CMSS1: variants seen among roughly 807,000 people sequenced by gnomAD.
CMSS1 encodes cms1 ribosomal small subunit homolog.
A neutral mutation model predicts 43.5 loss-of-function variants in CMSS1; 33 were observed. The ratio of observed to expected loss-of-function variants is 0.76; its 90% CI spans 0.57 to 1.01. The LOEUF (loss-of-function observed/expected upper bound fraction) is 1.01, where lower values mean the gene tolerates loss of function less well. Ranked by LOEUF, CMSS1 falls within the 50% of genes least tolerant of loss-of-function variation. The pLI, the probability that CMSS1 is intolerant of heterozygous loss-of-function variation, is 0.00. For synonymous variants in CMSS1, 115 were observed against 117.2 expected, an observed-to-expected ratio of 0.98 and a Z score of 0.12; for missense variants, 313 against 326.4, an observed-to-expected ratio of 0.96 and a Z score of 0.32.
chr3:99,967,673 G>A (rs1416847332), intron 1 of CMSS1, among the ~76,000 whole-genome samples: 1 of 152,190 alleles, frequency 6.6e-6, no homozygotes, highest in Non-Finnish European at 1.5e-5. Flanking sequence ...TTGGGCCTTG[G>A]TAGTAGCTGA....
At chr3:99,910,631 C>T (rs940238925) in intron 1 of CMSS1, among the ~76,000 whole-genome samples, 12 of 136,284 alleles carry the variant, frequency 8.8e-5, no homozygotes, top group Admixed American at 2.3e-4. Context: ...AAAAGTAATA[C>T]GCTATAATTC....
chr3:99,988,223 C>T (rs2107120712), intron 1 of CMSS1, among the ~76,000 whole-genome samples: 1 of 151,374 alleles, frequency 6.6e-6, no homozygotes, highest in East Asian at 1.9e-4. Context: ...TTTGGCCGGG[C>T]GCAGTGCCTC....
At chr3:100,143,238 C>T (rs948443277) in intron 1 of CMSS1, among the ~76,000 whole-genome samples, 1 of 152,132 alleles carries the variant, frequency 6.6e-6, no homozygotes, top group African/African-American at 2.4e-5. Flanking sequence ...TTGCTATCTT[C>T]CTTTCTAATG....
intron 1 of CMSS1, among the ~76,000 whole-genome samples, chr3:99,925,140 C>G (rs982080464): frequency 6.6e-6 from 1 of 152,148 alleles, no homozygotes; most frequent in Admixed American, 6.5e-5. Context: ...CCTCTTGGAT[C>G]GCTCTACCAG....
At chr3:100,017,885 C>T (rs1467367363) in intron 1 of CMSS1, among the ~76,000 whole-genome samples, 2 of 152,180 alleles carry the variant, frequency 1.3e-5, no homozygotes, top group Non-Finnish European at 2.9e-5. Flanking sequence ...ATAACTACAT[C>T]GCCAGTTTTC....
intron 1 of CMSS1, among the ~76,000 whole-genome samples, chr3:99,891,461 C>T (rs1422999756): frequency 6.6e-6 from 1 of 152,292 alleles, no homozygotes. Flanking sequence ...CACTTTTATT[C>T]AGTCTTTGGC....
intron 1 of CMSS1, among the ~76,000 whole-genome samples, chr3:99,993,021 G>A (rs1468589966): frequency 1.3e-5 from 2 of 151,912 alleles, no homozygotes; most frequent in African/African-American, 4.8e-5. Flanking sequence ...CCATTGATCT[G>A]TGTAACTGTT....
intron 1 of CMSS1, among the ~76,000 whole-genome samples, chr3:99,994,387 T>G (rs1253328800): frequency 6.6e-6 from 1 of 152,206 alleles, no homozygotes; most frequent in Non-Finnish European, 1.5e-5. Flanking sequence ...CCAAATGGAC[T>G]TAACAGACAT....
At chr3:100,026,190 G>A (rs560296768) in intron 1 of CMSS1, among the ~76,000 whole-genome samples, 8 of 152,118 alleles carry the variant, frequency 5.3e-5, no homozygotes, top group African/African-American at 1.4e-4. Context: ...GCTGTAGCAG[G>A]TATCCTTTTT....
intron 1 of CMSS1, among the ~76,000 whole-genome samples, chr3:99,868,923 T>C (rs138447179): frequency 6.6e-6 from 1 of 152,326 alleles, no homozygotes; most frequent in African/African-American, 2.4e-5. Flanking sequence ...TTTAGTATAT[T>C]ACTTTTGCCG....
intron 1 of CMSS1, among the ~76,000 whole-genome samples, chr3:100,053,656 G>T (rs529350592): frequency 6.6e-6 from 1 of 152,112 alleles, no homozygotes; most frequent in Non-Finnish European, 1.5e-5. Context: ...ATTCAACCTG[G>T]TACAGCCAGT....
At chr3:100,147,730 T>G (rs1391689001) in intron 2 of CMSS1, among the ~76,000 whole-genome samples, 1 of 152,220 alleles carries the variant, frequency 6.6e-6, no homozygotes, top group African/African-American at 2.4e-5. Flanking sequence ...CTAGAGTGCA[T>G]GATTACAGCA....
intron 6 of CMSS1, among the ~76,000 whole-genome samples, chr3:100,169,442 T>C (rs2067091453): frequency 6.6e-6 from 1 of 152,224 alleles, no homozygotes; most frequent in African/African-American, 2.4e-5. Flanking sequence ...ATCCAAGTCC[T>C]GAAGAAAGAG....
chr3:99,984,059 T>TGTGTGTGTGTGTGTGTGTGTG (rs1491534471), intron 1 of CMSS1, among the ~76,000 whole-genome samples: 1 of 151,618 alleles, frequency 6.6e-6, no homozygotes, highest in African/African-American at 2.4e-5. Context: ...TGTATGTGTG[T>TGTGTGTGTGTGTGTGTGTGTG]TTGTGTGTGT....
chr3:99,832,123 A>G (rs898884779), intron 1 of CMSS1, among the ~76,000 whole-genome samples: 1 of 152,150 alleles, frequency 6.6e-6, no homozygotes, highest in Non-Finnish European at 1.5e-5. Flanking sequence ...ATTGATGTGC[A>G]AGCTTTTGTT....
At position 99,824,911 on chromosome 3, in the gene CMSS1, T is replaced by C. The variant is rs1408850115; in HGVS notation, c.64+6868T>C. ...TGTAAATATTTTTGTTGTAATATCA[T>C]TTTATGGTATATTCTTCAAATTATA... On this transcript the variant is annotated intron_variant, in intron 1 of 9. Transcript: ENST00000421999. Among the ~76,000 whole-genome samples, 3 of 152,228 alleles carry C rather than the reference T, an allele frequency of 2.0e-5. 1 individual carries two copies. The highest frequency in any genetic ancestry group is 4.4e-5 in the Non-Finnish European group (3 of 68,036).
chr3:100,090,566 C>T (rs2066086565), intron 1 of CMSS1, among the ~76,000 whole-genome samples: 1 of 152,172 alleles, frequency 6.6e-6, no homozygotes, highest in Non-Finnish European at 1.5e-5. Flanking sequence ...TCTGCAATCC[C>T]CTGCCTGGGC....
chr3:99,851,038 G>T (rs1454279677), intron 1 of CMSS1: 1 of 1,597,272 alleles, frequency 6.3e-7, no homozygotes, highest in Non-Finnish European at 8.5e-7. Context: ...CTCCTCCTGA[G>T]ACTTGATTTC....
chr3:100,064,016 TCTC>T (rs1282414724), intron 1 of CMSS1, among the ~76,000 whole-genome samples: 1 of 152,190 alleles, frequency 6.6e-6, no homozygotes, highest in Admixed American at 6.5e-5. Flanking sequence ...TGCTTCTAGT[TCTC>T]CTCTCAAACC....
Sources: allele counts gnomAD v4.1 joint callset (sites outside exome capture counted in the v4.1 genomes callset), GRCh38; gene constraint gnomAD v4.1.1; transcripts MANE v1.5; gene names NCBI Gene and HGNC (gene_info 2026-07-23, HGNC 2026-07-21).